Variants in BFAR observed in about 807,000 individuals in gnomAD.
BFAR encodes bifunctional apoptosis regulator, also known as RING finger protein 47.
Under a neutral mutation model 54.4 loss-of-function variants are expected in BFAR, and 52 were observed. The observed-to-expected ratio is 0.96, with a 90% CI of 0.77 to 1.21. The LOEUF is 1.21. BFAR is among the 50% of genes most tolerant of loss of function. The probability of loss-of-function intolerance (pLI) is 0.00; values close to 1 mark genes in which losing one functional copy is unlikely to be tolerated. For missense variants in BFAR, 571 were observed against 534.0 expected, an observed-to-expected ratio of 1.07 and a Z score of -0.68; for synonymous variants, 215 against 204.3, an observed-to-expected ratio of 1.05 and a Z score of -0.45.
In BFAR at chr16:14,644,255, C is replaced by G. The variant is rs2151837082; in HGVS notation, c.-73-19C>G. 1.5e-6 allele frequency: 2 copies of G among 1,312,014 alleles called. No homozygotes were observed. Among genetic ancestry groups the G allele is most frequent in the Non-Finnish European group, 2.1e-6 (2 of 947,298 alleles). The allele number at this position is 1,312,014 out of a possible 1,614,324, so 81.3% of individuals were successfully genotyped here. The stretch of plus-strand genomic sequence containing the variant: ...CAACTACTATTTGCCTTATTTTTGT[C>G]TCTGTTTTTTTTTTCTAGATTAATG... On this transcript the variant is annotated intron_variant, in intron 1 of 7. Coordinates refer to ENST00000261658, the MANE Select transcript of BFAR (RefSeq NM_016561.3).
intron 1 of BFAR, among the ~76,000 whole-genome samples, chr16:14,635,000 G>C (rs989077509): frequency 6.6e-6 from 1 of 152,184 alleles, no homozygotes. Flanking sequence ...GCGATGTTGT[G>C]AAGTTGTGTT....
chr16:14,644,852 C>T (rs1266887502), intron 2 of BFAR, among the ~76,000 whole-genome samples: 1 of 152,080 alleles, frequency 6.6e-6, no homozygotes, highest in Non-Finnish European at 1.5e-5. Context: ...AAAGGTCGCA[C>T]ACTTGGAGCC....
chr16:14,643,729 C>G (rs369241223), intron 1 of BFAR: 2 of 151,948 alleles, frequency 1.3e-5, no homozygotes, highest in Non-Finnish European at 2.9e-5. Context: ...GCTGTGATTG[C>G]GCCACTGGAC....
intron 2 of BFAR, among the ~76,000 whole-genome samples, chr16:14,647,451 C>T (rs1959833901): frequency 6.6e-6 from 1 of 151,642 alleles, no homozygotes; most frequent in Admixed American, 6.6e-5. Context: ...ATCCCAGTAC[C>T]TTGGGAGGAC....
At chr16:14,659,225 G>T (rs370268860) in intron 5 of BFAR, among the ~76,000 whole-genome samples, 1,442 of 141,366 alleles carry the variant, frequency 0.01, 24 homozygotes, top group African/African-American at 0.031. Flanking sequence ...ATGCAATTTG[G>T]TTTTTTTTGT....
chr16:14,659,472 G>A (rs1960228451), intron 5 of BFAR, among the ~76,000 whole-genome samples: 1 of 151,364 alleles, frequency 6.6e-6, no homozygotes, highest in African/African-American at 2.4e-5. Flanking sequence ...TCGAACTCCT[G>A]ACCTCAGGCA....
intron 1 of BFAR, among the ~76,000 whole-genome samples, chr16:14,640,978 A>G (rs1274878207): frequency 6.6e-6 from 1 of 152,198 alleles, no homozygotes; most frequent in East Asian, 1.9e-4. Flanking sequence ...CTCAGTGCCT[A>G]TGGGAACTCC....
In BFAR at chr16:14,662,146, G is replaced by A. The variant is rs541415557; in HGVS notation, c.957+81G>A. On this transcript the variant is annotated intron_variant, in intron 6 of 7. Transcript: ENST00000261658. ...GATTGCTACCCACCATGGGTGCCATGTTTCTTCAGTTTGACCCATGAACTC... is the reference window on the plus strand; with the variant it reads ...GATTGCTACCCACCATGGGTGCCATATTTCTTCAGTTTGACCCATGAACTC... 7 of 1,487,446 alleles carry A rather than the reference G, an allele frequency of 4.7e-6. 1 individual carries two copies. The highest frequency in any genetic ancestry group is 3.5e-4 in the Middle Eastern group (2 of 5,746). The allele number at this position is 1,487,446 out of a possible 1,614,324, so 92.1% of individuals were successfully genotyped here.
chr16:14,634,107 C>A (rs1259625336), intron 1 of BFAR, among the ~76,000 whole-genome samples: 1 of 152,200 alleles, frequency 6.6e-6, no homozygotes, highest in East Asian at 1.9e-4. Context: ...CCTCAACTGT[C>A]GCCATTGGGT....
In BFAR at chr16:14,654,202, G is replaced by A. The variant is rs112872687; in HGVS notation, c.639-864G>A. Among the ~76,000 whole-genome samples the A allele has an allele frequency of 7.1e-3, 1,069 of 151,604 alleles. 8 individuals carry two copies. Among genetic ancestry groups the A allele is most frequent in the African/African-American group, 0.025 (1,026 of 41,328 alleles). ...AATTTTTTGTATTTTCAGTAGAGAC[G>A]GGGTTTCACCGTGTTAGCCAGGATG... On this transcript the variant is annotated intron_variant, in intron 4 of 7. Transcript: ENST00000261658.
chr16:14,644,220 G>C, intron 1 of BFAR, 54 bp from the exon 2 acceptor site: 2 of 946,744 alleles, frequency 2.1e-6, no homozygotes, highest in Non-Finnish European at 3.2e-6. Flanking sequence ...TATATTAACT[G>C]CTCTTCAAAC....
chr16:14,659,234 G>GT lies in BFAR; in HGVS notation c.784-2649dup, dbSNP rs1468503605. 2.7e-3 allele frequency among the ~76,000 whole-genome samples: 389 copies of GT among 142,772 alleles called. 2 individuals are homozygous for GT. Among genetic ancestry groups the GT allele is most frequent in the African/African-American group, 8.4e-3 (317 of 37,950 alleles). 93.7% of individuals were successfully genotyped at this position (142,772 alleles called of 152,430 possible). A position where few individuals can be genotyped will look rare whatever the true frequency, so the allele number is the denominator to read the frequency against. On this transcript the variant is annotated intron_variant, in intron 5 of 7. Transcript: ENST00000261658. ...TGTAGTATGCAATTTGGTTTTTTTT[G>GT]TTTTTTTTTGTTTTTTGTTTTTTTT...
Position 14,668,950 on chromosome 16 carries a change from A to T in BFAR, c.*1123A>T, listed in dbSNP as rs1377939134. On this transcript the variant is annotated 3_prime_UTR_variant, in exon 8 of 8. Transcript: ENST00000261658. ...AATCTTTATTGTCCTATCCTGATGT[A>T]TAATACAGCAGGTATAATTACACCA... The T allele has an allele frequency of 2.7e-6, 1 of 364,812 alleles. No homozygotes were observed. The highest frequency in any genetic ancestry group is 7.8e-5 in the East Asian group (1 of 12,860). 22.6% of individuals were successfully genotyped at this position (364,812 alleles called of 1,614,324 possible).
At chr16:14,640,890 C>T (rs540930278) in intron 1 of BFAR, among the ~76,000 whole-genome samples, 139 of 152,196 alleles carry the variant, frequency 9.1e-4, no homozygotes, top group Non-Finnish European at 1.7e-3. Flanking sequence ...GCACAGAATT[C>T]AGACTTCCCG....
At chr16:14,645,266 C>T (rs1959757767) in intron 2 of BFAR, among the ~76,000 whole-genome samples, 1 of 151,848 alleles carries the variant, frequency 6.6e-6, no homozygotes, top group Non-Finnish European at 1.5e-5. Context: ...AATGAGCTCA[C>T]ACCACTACAC....
chr16:14,653,203 A>G (rs1487433231), intron 4 of BFAR, among the ~76,000 whole-genome samples: 4 of 152,304 alleles, frequency 2.6e-5, no homozygotes, highest in Admixed American at 6.5e-5. Flanking sequence ...AGGACGATCA[A>G]TTTACACCAC....
intron 5 of BFAR, among the ~76,000 whole-genome samples, chr16:14,656,804 A>C (rs35611097): frequency 0.26 from 39,404 of 151,612 alleles, 6,094 homozygotes; most frequent in Admixed American, 0.34. Flanking sequence ...CTTTGTGTTA[A>C]TAAGGAACAA....
chr16:14,653,607 A>G (rs1299158101), intron 4 of BFAR, among the ~76,000 whole-genome samples: 1 of 151,786 alleles, frequency 6.6e-6, no homozygotes, highest in Non-Finnish European at 1.5e-5. Context: ...GATTACAGGC[A>G]TGAGCCACCG....
At position 14,668,835 on chromosome 16, in the gene BFAR, T is replaced by TAAAA; in HGVS notation, c.*1021_*1024dup. The TAAAA allele has an allele frequency of 6.4e-6, 1 of 157,478 alleles. No individual in the cohort carries two copies. The highest frequency in any genetic ancestry group is 1.4e-5 in the Non-Finnish European group (1 of 73,826). 9.8% of individuals were successfully genotyped at this position (157,478 alleles called of 1,614,324 possible). On this transcript the variant is annotated 3_prime_UTR_variant, in exon 8 of 8. Coordinates refer to ENST00000261658, the MANE Select transcript of BFAR (RefSeq NM_016561.3). ...TGGGTGACAGAGGGAGACTCTGTCT[T>TAAAA]AAAAAAAAAAAAAAAATCATCTGTA...
Sources: gnomAD v4.1 joint callset for allele counts (sites outside exome capture counted in the v4.1 genomes callset) on GRCh38, gnomAD v4.1.1 for gene constraint, MANE v1.5 for transcripts, NCBI Gene and HGNC (gene_info 2026-07-23, HGNC 2026-07-21) for gene names.